The following PSKH1 variants were observed in gnomAD, a reference collection of about 807,000 sequenced individuals.
PSKH1 encodes protein serine kinase H1, also known as serine/threonine-protein kinase H1.
A neutral mutation model predicts 26.7 loss-of-function variants in PSKH1; 12 were observed. The observed-to-expected ratio is 0.45, with a 90% CI of 0.29 to 0.73. PSKH1 has a LOEUF of 0.73. Ranked by LOEUF, PSKH1 falls within the 30% of genes least tolerant of loss-of-function variation. PSKH1 has a pLI of 0.11. For synonymous variants in PSKH1, 213 were observed against 234.3 expected (o/e 0.91, Z 0.83); for missense variants, 431 against 595.2 (o/e 0.72, Z 2.87).
intron 2 of PSKH1, among the ~76,000 whole-genome samples, chr16:67,920,846 T>TTCATTCTTCCTCCAAA (rs1293929570): frequency 6.6e-6 from 1 of 152,194 alleles, no homozygotes; most frequent in Non-Finnish European, 1.5e-5. Context: ...CATTCATCTC[T>TTCATTCTTCCTCCAAA]TCATTCTTCC....
At chr16:67,913,087 A>G (rs991244064) in intron 2 of PSKH1, among the ~76,000 whole-genome samples, 7 of 151,356 alleles carry the variant, frequency 4.6e-5, no homozygotes, top group Non-Finnish European at 1.0e-4. Context: ...CAGGAGGCTG[A>G]GGTGGGAGGA....
Position 67,929,588 on chromosome 16 carries a change from T to G in PSKH1, c.*1946T>G. 1 of 243,102 alleles carries G rather than the reference T, an allele frequency of 4.1e-6. No individual in the cohort carries two copies. The highest frequency in any genetic ancestry group is 8.8e-5 in the East Asian group (1 of 11,380). The allele number at this position is 243,102 out of a possible 1,614,324, so 15.1% of individuals were successfully genotyped here. ...TGGCCTGTGGATGGAGAATGTGCAG[T>G]TATTTATTATGCGTATTCAGTTTGT... On this transcript the variant is annotated 3_prime_UTR_variant, in exon 3 of 3. Transcript: ENST00000291041.
chr16:67,913,142 G>C (rs1295853896), intron 2 of PSKH1, among the ~76,000 whole-genome samples: 1 of 152,006 alleles, frequency 6.6e-6, no homozygotes, highest in Non-Finnish European at 1.5e-5. Context: ...CTGTGAATGT[G>C]CCACTGCACT....
chr16:67,903,142 T>G (rs952071844), intron 1 of PSKH1: 3 of 152,142 alleles, frequency 2.0e-5, no homozygotes, highest in Non-Finnish European at 4.4e-5. Flanking sequence ...ATATTTTTTT[T>G]TGGTTTGGTT....
chr16:67,915,202 AGAGAGAGT>A (rs2058184069), intron 2 of PSKH1, among the ~76,000 whole-genome samples: 1 of 143,878 alleles, frequency 7.0e-6, no homozygotes, highest in Non-Finnish European at 1.5e-5. Flanking sequence ...AGTGAGAGAG[AGAGAGAGT>A]GTGTGTGTGT....
At chr16:67,917,204 A>G (rs1598191991) in intron 2 of PSKH1, among the ~76,000 whole-genome samples, 1 of 152,216 alleles carries the variant, frequency 6.6e-6, no homozygotes, top group Non-Finnish European at 1.5e-5. Context: ...AGATGAGGAA[A>G]CTGAGGATGG....
rs749464076 is a variant in PSKH1, at chr16:67,908,844, G to T, written c.95G>T (p.Ser32Ile). The T allele has an allele frequency of 6.2e-7, 1 of 1,614,170 alleles. No individual in the cohort carries two copies. Among genetic ancestry groups the T allele is most frequent in the South Asian group, 1.1e-5 (1 of 91,088 alleles). ...GTGGAGCCCTTCAGTGGCACTAAGA[G>T]TGACGTGTACAAGCACTTCATCACA... ...KKVEPFSGTK[S>I]DVYKHFITEV... Residue 32 changes from serine (S) to isoleucine (I), a missense_variant, in exon 2 of 3, where the codon AGT (serine) becomes ATT (isoleucine). Physicochemically the swap from Ser to Ile is moderately radical, Grantham distance 142 (BLOSUM62 -2). Coordinates refer to ENST00000291041, the MANE Select transcript of PSKH1 (RefSeq NM_006742.3).
rs12444716 is a variant in PSKH1, at chr16:67,924,809, G to A, written c.958-2516G>A. ...GCAGAGGTGTCCCCTGACCCACTCTGTTCAGCTGTGTGTGTGCTGTCTCCA... is the reference window on the plus strand; with the variant it reads ...GCAGAGGTGTCCCCTGACCCACTCTATTCAGCTGTGTGTGTGCTGTCTCCA... On this transcript the variant is annotated intron_variant, in intron 2 of 2. Coordinates refer to ENST00000291041, the MANE Select transcript of PSKH1 (RefSeq NM_006742.3). 6.1e-3 allele frequency among the ~76,000 whole-genome samples: 928 copies of A among 152,254 alleles called. 29 individuals are homozygous for A. The highest frequency in any genetic ancestry group is 0.051 in the Admixed American group (775 of 15,284).
At chr16:67,915,627 TCTTTA>T (rs2151313625) in intron 2 of PSKH1, among the ~76,000 whole-genome samples, 1 of 152,250 alleles carries the variant, frequency 6.6e-6, no homozygotes, top group Non-Finnish European at 1.5e-5. Flanking sequence ...CCCTGGTTTC[TCTTTA>T]CTTTTCTGCA....
intron 1 of PSKH1, among the ~76,000 whole-genome samples, chr16:67,905,054 C>T (rs2058152518): frequency 6.6e-6 from 1 of 151,672 alleles, no homozygotes; most frequent in Non-Finnish European, 1.5e-5. Flanking sequence ...TCTCGATCTC[C>T]TGACCTCATG....
intron 1 of PSKH1, among the ~76,000 whole-genome samples, chr16:67,893,696 C>G (rs1390433852): frequency 6.6e-6 from 1 of 152,240 alleles, no homozygotes; most frequent in African/African-American, 2.4e-5. Flanking sequence ...TCAGGTTGAT[C>G]CAACCTGGTT....
intron 2 of PSKH1, among the ~76,000 whole-genome samples, chr16:67,911,391 C>T (rs541094519): frequency 6.6e-6 from 1 of 152,268 alleles, no homozygotes; most frequent in African/African-American, 2.4e-5. Flanking sequence ...TCAAGAGTCA[C>T]CCAACAGCTG....
intron 2 of PSKH1, among the ~76,000 whole-genome samples, chr16:67,922,884 C>A (rs1255729562): frequency 6.6e-6 from 1 of 152,236 alleles, no homozygotes; most frequent in Non-Finnish European, 1.5e-5. Flanking sequence ...GCCCTGTAAG[C>A]TGTGTTTGCT....
intron 1 of PSKH1, among the ~76,000 whole-genome samples, chr16:67,908,384 C>G (rs1010840352): frequency 1.3e-5 from 2 of 152,206 alleles, no homozygotes; most frequent in Non-Finnish European, 2.9e-5. Context: ...ATTCTTGTGC[C>G]TCAGCCTCCC....
chr16:67,901,667 C>T (rs1034074298), intron 1 of PSKH1, among the ~76,000 whole-genome samples: 2 of 146,568 alleles, frequency 1.4e-5, no homozygotes, highest in Non-Finnish European at 3.0e-5. Context: ...CATGGTCTTG[C>T]TCTGTTGCCC....
Position 67,909,002 on chromosome 16 carries a change from A to C in PSKH1, c.253A>C (p.Lys85Gln). ...ACCACCACGCAGGGCCAGGGTAGCT[A>C]AGTACAGGGCCAAGTTTGACCCACG... ...SEPPRRARVA[K>Q]YRAKFDPRVT... Residue 85 changes from lysine (K) to glutamine (Q), a missense_variant, in exon 2 of 3, where the codon AAG (lysine) becomes CAG (glutamine). Physicochemically the swap from Lys to Gln is moderately conservative, Grantham distance 53 (BLOSUM62 1). Transcript: ENST00000291041. The surrounding 1 kb of genome is among the most constrained non-coding windows in gnomAD (Gnocchi z 7.8). 6.2e-7 allele frequency: 1 copy of C among 1,614,140 alleles called. No individual in the cohort carries two copies. Among genetic ancestry groups the C allele is most frequent in the Non-Finnish European group, 8.5e-7 (1 of 1,180,002 alleles).
chr16:67,910,553 A>G (rs1355638731), intron 2 of PSKH1, among the ~76,000 whole-genome samples: 1 of 152,190 alleles, frequency 6.6e-6, no homozygotes. Context: ...CAGTGGCACA[A>G]TCTTGGCTCA....
At chr16:67,920,359 C>T (rs2058198822) in intron 2 of PSKH1, among the ~76,000 whole-genome samples, 1 of 152,048 alleles carries the variant, frequency 6.6e-6, no homozygotes, top group South Asian at 2.1e-4. Context: ...ACTCCCGGGC[C>T]CAAACCATCT....
At position 67,909,759 on chromosome 16, in the gene PSKH1, G is replaced by C. The variant is rs992021633; in HGVS notation, c.957+53G>C. On this transcript the variant is annotated intron_variant, in intron 2 of 2. Coordinates refer to ENST00000291041, the MANE Select transcript of PSKH1 (RefSeq NM_006742.3). The surrounding 1 kb of genome is among the most constrained non-coding windows in gnomAD (Gnocchi z 7.8). Reference sequence around the variant, plus strand: ...TGTTGGGGAGGCACCTGCGGGGGCAGGTATATCCTGCAGCTCTCAGTCAGA... The same window carrying C: ...TGTTGGGGAGGCACCTGCGGGGGCACGTATATCCTGCAGCTCTCAGTCAGA... The C allele has an allele frequency of 2.6e-6, 4 of 1,511,418 alleles. No individual in the cohort carries two copies. In the African/African-American group the frequency reaches 5.5e-5, roughly 21 times the overall value. 93.6% of individuals were successfully genotyped at this position (1,511,418 alleles called of 1,614,324 possible). A position where few individuals can be genotyped will look rare whatever the true frequency, so the allele number is the denominator to read the frequency against.
Sources: allele counts gnomAD v4.1 joint callset (sites outside exome capture counted in the v4.1 genomes callset), GRCh38; gene constraint gnomAD v4.1.1; non-coding constraint Gnocchi (gnomAD v3.1); transcripts MANE v1.5; gene names NCBI Gene and HGNC (gene_info 2026-07-23, HGNC 2026-07-21).